PIWIL4: variants seen among roughly 807,000 people sequenced by gnomAD.
PIWIL4 encodes piwi-like protein 4.
In PIWIL4, 50 loss-of-function variants were observed where a neutral mutation model predicts 100.9. The ratio of observed to expected loss-of-function variants is 0.50; its 90% CI spans 0.39 to 0.63. The LOEUF is 0.63. PIWIL4 is among the 20% of genes least tolerant of loss of function. The probability of loss-of-function intolerance (pLI) is 0.00; values close to 1 mark genes in which losing one functional copy is unlikely to be tolerated. For synonymous variants in PIWIL4, 342 were observed against 367.5 expected, an observed-to-expected ratio of 0.93 and a Z score of 0.79; for missense variants, 887 against 1,043.3, an observed-to-expected ratio of 0.85 and a Z score of 2.06.
Position 94,619,983 on chromosome 11 carries a change from AT to A in PIWIL4, c.2295-10del, listed in dbSNP as rs1948888911. 6.2e-7 allele frequency: 1 copy of A among 1,613,754 alleles called. No individual in the cohort carries two copies. The highest frequency in any genetic ancestry group is 8.5e-7 in the Non-Finnish European group (1 of 1,179,976). ...TTGCCTTCTTTCCTACATTCATTCC[AT>A]TTTCCCCCTCAGGTATGACTTTTAT... On this transcript the variant is annotated splice_polypyrimidine_tract_variant and intron_variant, in intron 18 of 19. Transcript: ENST00000299001.
intron 2 of PIWIL4, among the ~76,000 whole-genome samples, chr11:94,574,358 A>G (rs1948206674): frequency 6.6e-6 from 1 of 152,184 alleles, no homozygotes; most frequent in South Asian, 2.1e-4. Context: ...TTAGTCTGTA[A>G]TCCTTCAGGG....
At chr11:94,591,530 G>A (rs926605108) in intron 8 of PIWIL4, among the ~76,000 whole-genome samples, 1 of 152,186 alleles carries the variant, frequency 6.6e-6, no homozygotes, top group East Asian at 1.9e-4. Flanking sequence ...TGCATAAAAT[G>A]TGTTCTGTGT....
chr11:94,574,556 CG>C (rs757250236), intron 2 of PIWIL4, among the ~76,000 whole-genome samples: 1 of 152,124 alleles, frequency 6.6e-6, no homozygotes, highest in Non-Finnish European at 1.5e-5. Context: ...GGCTGGAGTG[CG>C]GGCGTGACCA....
chr11:94,597,859 A>G lies in PIWIL4; in HGVS notation c.1324A>G (p.Ile442Val), dbSNP rs750835307. The G allele has an allele frequency of 2.5e-6, 4 of 1,614,110 alleles. No homozygotes were observed. The highest frequency in any genetic ancestry group is 3.4e-6 in the Non-Finnish European group (4 of 1,179,964). Reference sequence around the variant, plus strand: ...CTGGGGACTGCATTTTGGAAGCCAGATATCTCTGACTGGCCGGATTGTGCC... The same window carrying G: ...CTGGGGACTGCATTTTGGAAGCCAGGTATCTCTGACTGGCCGGATTGTGCC... ...ETWGLHFGSQ[I>V]SLTGRIVPSE... The change falls in exon 11 of 20, where the codon ATA becomes GTA. Residue 442 changes from isoleucine to valine, a missense_variant. By Grantham distance (29) the Ile-to-Val change is conservative. This residue lies in a region of PIWIL4 where 741 missense variants were observed against 930.0 expected (regional missense o/e 0.80). Coordinates refer to ENST00000299001, the MANE Select transcript of PIWIL4 (RefSeq NM_152431.3).
intron 4 of PIWIL4, among the ~76,000 whole-genome samples, chr11:94,582,048 G>A (rs1319473693): frequency 6.6e-6 from 1 of 152,178 alleles, no homozygotes; most frequent in Non-Finnish European, 1.5e-5. Flanking sequence ...GCAGCCTGGG[G>A]ACTGGAGGGT....
intron 9 of PIWIL4, 40 bp downstream of exon 9, chr11:94,593,681 AC>A: frequency 6.2e-7 from 1 of 1,604,978 alleles, no homozygotes; most frequent in Non-Finnish European, 8.5e-7. Context: ...GCTCCTGGAT[AC>A]AGGCCCCTGA....
rs761627637 is a variant in PIWIL4, at chr11:94,608,681, C to T, written c.1938C>T (p.Ile646=). The T allele has an allele frequency of 1.9e-6, 3 of 1,613,480 alleles. No homozygotes were observed. Among genetic ancestry groups the T allele is most frequent in the African/African-American group, 1.3e-5 (1 of 74,928 alleles). The change falls in exon 15 of 20, where the codon ATC becomes ATT. Residue 646 remains isoleucine (I), a synonymous_variant. Coordinates refer to ENST00000299001, the MANE Select transcript of PIWIL4 (RefSeq NM_152431.3). ...GCGTGGCCAGTGTTAACCCCAGAAT[C>T]ACCAGGTACTGCTAAAACTACCTGA... ...VGCVASVNPR[I]TRWFSRCILQ... is the part of the protein sequence containing the mutation.
At chr11:94,620,802 A>C in intron 19 of PIWIL4, 74 bp from the exon 20 acceptor site, 1 of 1,156,652 alleles carries the variant, frequency 8.6e-7, no homozygotes, top group Non-Finnish European at 1.3e-6. Flanking sequence ...CCAGTAGACA[A>C]AGTAAAATCA....
chr11:94,587,388 G>C, intron 7 of PIWIL4, 141 bp downstream of exon 7: 6 of 919,136 alleles, frequency 6.5e-6, no homozygotes, highest in Non-Finnish European at 9.6e-6. Flanking sequence ...TGGTTGTTTT[G>C]CTGTCTGGAG....
intron 15 of PIWIL4, among the ~76,000 whole-genome samples, chr11:94,610,436 A>G (rs1256748548): frequency 6.6e-6 from 1 of 152,078 alleles, no homozygotes; most frequent in Non-Finnish European, 1.5e-5. Flanking sequence ...GGTTTCCATA[A>G]TGGCTATGCT....
intron 6 of PIWIL4, among the ~76,000 whole-genome samples, chr11:94,585,985 G>A (rs1948393710): frequency 6.6e-6 from 1 of 152,092 alleles, no homozygotes; most frequent in Admixed American, 6.6e-5. Context: ...CAGGGAAAGT[G>A]GTCAGCTATG....
intron 17 of PIWIL4, among the ~76,000 whole-genome samples, chr11:94,619,471 T>C (rs1342832889): frequency 6.6e-6 from 1 of 152,190 alleles, no homozygotes; most frequent in Non-Finnish European, 1.5e-5. Flanking sequence ...GGAAAATCTT[T>C]CGCAAAAGTG....
At chr11:94,573,688 A>G (rs1182404788) in intron 2 of PIWIL4, among the ~76,000 whole-genome samples, 1 of 152,192 alleles carries the variant, frequency 6.6e-6, no homozygotes, top group Non-Finnish European at 1.5e-5. Context: ...ATTGTTATGA[A>G]CAGTGAATGA....
Position 94,619,760 on chromosome 11 carries a change from C to T in PIWIL4, c.2169C>T (p.Ser723=). ...CATATTTTGCCTCTCTAATTTTTAG[C>T]TCAAGACTGTCGGTGATTGTGGTCA... ...SSVAESSSNT[S]SRLSVIVVRK... is the part of the protein sequence containing the mutation. Residue 723 remains serine (S), a splice_region_variant and synonymous_variant, in exon 18 of 20, where the codon AGC becomes AGT. Coordinates refer to ENST00000299001, the MANE Select transcript of PIWIL4 (RefSeq NM_152431.3). 1.2e-6 allele frequency: 2 copies of T among 1,613,182 alleles called. No homozygotes were observed. The highest frequency in any genetic ancestry group is 1.7e-6 in the Non-Finnish European group (2 of 1,179,700).
chr11:94,567,523 G>GT lies in PIWIL4; in HGVS notation c.6dup (p.Gly3TrpfsTer29). On this transcript the variant is annotated frameshift_variant, in exon 1 of 20. Coordinates refer to ENST00000299001, the MANE Select transcript of PIWIL4 (RefSeq NM_152431.3). LOFTEE classifies it high-confidence loss of function. ...CACTCTGGGCTCACCGGGAACATGA[G>GT]TGGAAGAGCCCGAGTGAAGGCCAGA... 6.3e-7 allele frequency: 1 copy of GT among 1,597,642 alleles called. No individual in the cohort carries two copies. Among genetic ancestry groups the GT allele is most frequent in the South Asian group, 1.1e-5 (1 of 88,008 alleles).
chr11:94,583,959 A>G (rs896288265), intron 5 of PIWIL4, among the ~76,000 whole-genome samples: 1 of 152,052 alleles, frequency 6.6e-6, no homozygotes, highest in Non-Finnish European at 1.5e-5. Context: ...TAGCCGATTG[A>G]TTTAGGAAAG....
At chr11:94,615,269 G>A (rs114506427) in intron 15 of PIWIL4, among the ~76,000 whole-genome samples, 1 of 152,122 alleles carries the variant, frequency 6.6e-6, no homozygotes, top group Non-Finnish European at 1.5e-5. Flanking sequence ...AGGGAGCTGG[G>A]TACTCACTCA....
At chr11:94,610,668 ATTT>A (rs924193487) in intron 15 of PIWIL4, among the ~76,000 whole-genome samples, 1 of 151,530 alleles carries the variant, frequency 6.6e-6, no homozygotes, top group Admixed American at 6.6e-5. Flanking sequence ...ATTTAATTGG[ATTT>A]TTTTTCTATT....
Position 94,608,649 on chromosome 11 carries a change from G to C in PIWIL4, c.1906G>C (p.Val636Leu), listed in dbSNP as rs1323609801. The change falls in exon 15 of 20, where the codon GTT becomes CTT. Residue 636 changes from valine to leucine, a missense_variant. Coordinates refer to ENST00000299001, the MANE Select transcript of PIWIL4 (RefSeq NM_152431.3). Reference protein sequence around the residue: ...KDALSKDVMVVGCVASVNPRI... With the variant: ...KDALSKDVMVLGCVASVNPRI... ...TGCACTCAGCAAGGACGTGATGGTT[G>C]TTGGATGCGTGGCCAGTGTTAACCC... 1.2e-6 allele frequency: 2 copies of C among 1,614,048 alleles called. No individual in the cohort carries two copies. The highest frequency in any genetic ancestry group is 2.7e-5 in the African/African-American group (2 of 74,938).
Sources: allele counts gnomAD v4.1 joint callset (sites outside exome capture counted in the v4.1 genomes callset), GRCh38; gene constraint gnomAD v4.1.1; regional missense constraint gnomAD v4.1.1; transcripts MANE v1.5; gene names NCBI Gene and HGNC (gene_info 2026-07-23, HGNC 2026-07-21).